The following ARMC8 variants were observed in gnomAD, a reference collection of about 807,000 sequenced individuals.
ARMC8 encodes the protein armadillo repeat-containing protein 8.
ARMC8 carries 20 observed loss-of-function variants against 99.3 expected under a neutral mutation model. That is an observed-to-expected ratio of 0.20 (90% CI 0.14 to 0.29). The LOEUF is 0.29. Ranked by LOEUF, ARMC8 falls within the 10% of genes least tolerant of loss-of-function variation. The pLI is 1.00. For synonymous variants in ARMC8, 263 were observed against 278.3 expected (o/e 0.95, Z 0.55); for missense variants, 569 against 809.5 (o/e 0.70, Z 3.60).
chr3:138,205,199 G>T (rs1404765397), intron 1 of ARMC8, among the ~76,000 whole-genome samples: 1 of 149,816 alleles, frequency 6.7e-6, no homozygotes, highest in Non-Finnish European at 1.5e-5. Context: ...CTTCCGAGTA[G>T]CCAGGACTAA....
intron 6 of ARMC8, among the ~76,000 whole-genome samples, chr3:138,230,487 C>CA (rs2045974771): frequency 6.6e-6 from 1 of 151,952 alleles, no homozygotes; most frequent in African/African-American, 2.4e-5. Flanking sequence ...CCCATCTCTA[C>CA]AAAAAATACA....
intron 2 of ARMC8, among the ~76,000 whole-genome samples, chr3:138,217,763 A>G (rs577873750): frequency 2.7e-4 from 29 of 105,552 alleles, no homozygotes; most frequent in African/African-American, 7.7e-4. Flanking sequence ...CCCAAGGCTT[A>G]CTTATTCTTA....
chr3:138,281,585 C>T (rs977630713), intron 18 of ARMC8, among the ~76,000 whole-genome samples: 2 of 152,206 alleles, frequency 1.3e-5, no homozygotes, highest in East Asian at 1.9e-4. Context: ...GCCACCGCCC[C>T]GGCCTAATTG....
At chr3:138,269,099 A>G (rs755368889) in intron 15 of ARMC8, among the ~76,000 whole-genome samples, 24 of 152,380 alleles carry the variant, frequency 1.6e-4, no homozygotes, top group African/African-American at 5.5e-4. Flanking sequence ...TAAATTAACA[A>G]TGGCAAATGT....
chr3:138,223,303 T>C, intron 3 of ARMC8, 86 bp from the exon 4 acceptor site: 3 of 1,203,822 alleles, frequency 2.5e-6, no homozygotes, highest in Non-Finnish European at 3.5e-6. Context: ...ATATTTTTAG[T>C]ATGTGGACTG....
chr3:138,279,750 G>C (rs575954570), intron 18 of ARMC8, among the ~76,000 whole-genome samples: 2 of 152,132 alleles, frequency 1.3e-5, no homozygotes, highest in African/African-American at 2.4e-5. Context: ...TCTGTTTCTT[G>C]TGTGAGCTTT....
intron 14 of ARMC8, among the ~76,000 whole-genome samples, chr3:138,266,038 T>C (rs1361344332): frequency 6.6e-6 from 1 of 152,204 alleles, no homozygotes; most frequent in African/African-American, 2.4e-5. Context: ...AGTGTCACAA[T>C]ATGGTCTTAT....
intron 15 of ARMC8, among the ~76,000 whole-genome samples, chr3:138,267,506 A>G (rs1241846030): frequency 6.6e-6 from 1 of 152,238 alleles, no homozygotes; most frequent in African/African-American, 2.4e-5. Context: ...ACTGCCTGAA[A>G]CTGTGAATGT....
At chr3:138,204,698 T>C (rs2044264297) in intron 1 of ARMC8, among the ~76,000 whole-genome samples, 1 of 152,222 alleles carries the variant, frequency 6.6e-6, no homozygotes, top group Non-Finnish European at 1.5e-5. Flanking sequence ...CATAGTTGAT[T>C]AGTCCCCTTT....
At position 138,298,032 on chromosome 3, in the gene ARMC8, T is replaced by C. The variant is rs372059991; in HGVS notation, c.*2140T>C. The C allele has an allele frequency of 7.2e-5, 11 of 152,244 alleles. No individual in the cohort carries two copies. The highest frequency in any genetic ancestry group is 1.2e-4 in the Non-Finnish European group (8 of 68,048). 9.4% of individuals were successfully genotyped at this position (152,244 alleles called of 1,614,324 possible). A position where few individuals can be genotyped will look rare whatever the true frequency, so the allele number is the denominator to read the frequency against. ...TCAAATTAAAAATGCTTTACTATAA[T>C]TAACTTTTCTGATTTGAATGAAGGG... On this transcript the variant is annotated 3_prime_UTR_variant, in exon 22 of 22. Transcript: ENST00000469044.
chr3:138,262,478 G>C (rs1417530409), intron 12 of ARMC8: 92 of 1,562,408 alleles, frequency 5.9e-5, no homozygotes, highest in Non-Finnish European at 7.7e-5. Context: ...TTGTTTGGCT[G>C]AAACATCCTG....
chr3:138,244,089 T>G (rs1559981234), intron 11 of ARMC8, among the ~76,000 whole-genome samples: 1 of 152,142 alleles, frequency 6.6e-6, no homozygotes, highest in Non-Finnish European at 1.5e-5. Flanking sequence ...GATAATTAGT[T>G]ATGCATGTTT....
intron 6 of ARMC8, among the ~76,000 whole-genome samples, chr3:138,234,236 G>A (rs574095150): frequency 9.2e-5 from 14 of 151,630 alleles, no homozygotes; most frequent in African/African-American, 2.2e-4. Flanking sequence ...CTCAGCCTCC[G>A]GAGTAGCTGG....
intron 6 of ARMC8, among the ~76,000 whole-genome samples, chr3:138,230,660 A>G (rs1254415055): frequency 6.6e-6 from 1 of 152,208 alleles, no homozygotes; most frequent in Admixed American, 6.5e-5. Context: ...TCTCAAAAAA[A>G]TAAATAAATA....
intron 18 of ARMC8, among the ~76,000 whole-genome samples, chr3:138,280,917 C>T (rs933893460): frequency 2.0e-5 from 3 of 152,190 alleles, no homozygotes; most frequent in East Asian, 1.9e-4. Flanking sequence ...CATCAGCCAC[C>T]GCACCCAGCC....
intron 14 of ARMC8, among the ~76,000 whole-genome samples, chr3:138,265,478 G>A (rs918503371): frequency 6.6e-6 from 1 of 152,106 alleles, no homozygotes; most frequent in Non-Finnish European, 1.5e-5. Context: ...AAGCCTTCAA[G>A]TACAGTGAGC....
At chr3:138,262,728 A>G in intron 12 of ARMC8, 1 of 857,772 alleles carries the variant, frequency 1.2e-6, no homozygotes, top group East Asian at 2.8e-5. Flanking sequence ...AGGACAACCA[A>G]GGTTAAGATC....
intron 9 of ARMC8, chr3:138,238,067 GTT>G (rs530589600): frequency 1.4e-5 from 2 of 140,370 alleles, no homozygotes; most frequent in African/African-American, 2.6e-5. Flanking sequence ...TTATGCAAAG[GTT>G]TTTTTTTTTT....
At chr3:138,251,778 A>C (rs2047132655) in intron 12 of ARMC8, among the ~76,000 whole-genome samples, 1 of 152,230 alleles carries the variant, frequency 6.6e-6, no homozygotes, top group Admixed American at 6.5e-5. Context: ...AGTTTCATTA[A>C]ATGGAGATAT....
Sources: gnomAD v4.1 joint callset for allele counts (sites outside exome capture counted in the v4.1 genomes callset) on GRCh38, gnomAD v4.1.1 for gene constraint, MANE v1.5 for transcripts, NCBI Gene and HGNC (gene_info 2026-07-23, HGNC 2026-07-21) for gene names.